Variants in DNAAF11 observed in about 807,000 individuals in gnomAD.
DNAAF11 encodes leucine rich repeat containing 6.
DNAAF11 carries 45 observed loss-of-function variants against 60.8 expected under a neutral mutation model. The observed-to-expected ratio is 0.74, with a 90% CI of 0.58 to 0.95. DNAAF11 has a LOEUF of 0.95. DNAAF11 is among the 40% of genes least tolerant of loss of function. DNAAF11 has a pLI of 0.00. For missense variants in DNAAF11, 546 were observed against 546.2 expected, an observed-to-expected ratio of 1.00 and a Z score of 0.00; for synonymous variants, 191 against 183.5, an observed-to-expected ratio of 1.04 and a Z score of -0.33.
chr8:132,633,018 A>T, intron 4 of DNAAF11, 55 bp from the exon 5 acceptor site: 1 of 1,204,242 alleles, frequency 8.3e-7, no homozygotes. Flanking sequence ...AGTGTGAATC[A>T]GCCCCAGGTT....
the DNAAF11 span, among the ~76,000 whole-genome samples, chr8:132,686,211 T>C: frequency 2.0e-5 from 3 of 152,104 alleles, no homozygotes; most frequent in African/African-American, 4.8e-5. Flanking sequence ...GAAACAGTTA[T>C]GTGAAGAACA....
chr8:132,675,757 G>T (rs1363390463), upstream of DNAAF11: 4 of 410,162 alleles, frequency 9.8e-6, no homozygotes, highest in East Asian at 1.1e-4. Flanking sequence ...CTTCCGACTT[G>T]CCACAGACTG....
At chr8:132,583,833 TA>T (rs1454097110) in intron 10 of DNAAF11, 54 bp from the exon 11 acceptor site, 2 of 1,114,378 alleles carry the variant, frequency 1.8e-6, no homozygotes, top group Non-Finnish European at 2.7e-6. Flanking sequence ...TGATGTACCT[TA>T]AAAAATATAC....
At chr8:132,687,573 G>A in the DNAAF11 span, 9 of 455,852 alleles carry the variant, frequency 2.0e-5, no homozygotes, top group South Asian at 3.1e-5. Context: ...CCACACCTTC[G>A]TTGAGTTCTC....
chr8:132,593,432 A>G (rs1172611817), intron 10 of DNAAF11, among the ~76,000 whole-genome samples: 1 of 148,852 alleles, frequency 6.7e-6, no homozygotes, highest in Non-Finnish European at 1.5e-5. Flanking sequence ...ATCTTAGAAC[A>G]CCCATAGAGA....
At chr8:132,680,111 A>G (rs912962471), upstream of DNAAF11, among the ~76,000 whole-genome samples, 2 of 152,204 alleles carry the variant, frequency 1.3e-5, no homozygotes, top group African/African-American at 2.4e-5. Context: ...CATGTGTACA[A>G]TGTGCTGTGA....
At chr8:132,632,150 A>G (rs1017186836) in intron 5 of DNAAF11, among the ~76,000 whole-genome samples, 9 of 152,128 alleles carry the variant, frequency 5.9e-5, no homozygotes, top group African/African-American at 2.2e-4. Flanking sequence ...AATATTTTAT[A>G]ATTATTATTT....
intron 10 of DNAAF11, among the ~76,000 whole-genome samples, chr8:132,598,443 G>A (rs1817244859): frequency 1.3e-5 from 2 of 152,240 alleles, no homozygotes; most frequent in Middle Eastern, 6.8e-3. Context: ...AAAGTGAGTT[G>A]TTTAAACTGT....
At chr8:132,585,424 G>A (rs183715378) in intron 10 of DNAAF11, among the ~76,000 whole-genome samples, 9 of 152,284 alleles carry the variant, frequency 5.9e-5, no homozygotes, top group East Asian at 1.9e-4. Context: ...GTGTATGTGC[G>A]TTGTGGGAAG....
At chr8:132,656,289 C>T (rs1823564886) in intron 3 of DNAAF11, among the ~76,000 whole-genome samples, 1 of 151,972 alleles carries the variant, frequency 6.6e-6, no homozygotes. Context: ...TTGTATATAC[C>T]CAAGTGTTAA....
chr8:132,606,318 T>A (rs1367528221), intron 10 of DNAAF11, among the ~76,000 whole-genome samples: 9 of 151,942 alleles, frequency 5.9e-5, no homozygotes, highest in African/African-American at 9.7e-5. Context: ...TACTTATATT[T>A]AAAAAAAATA....
Position 132,572,255 on chromosome 8 carries a change from A to G in DNAAF11, c.*51T>C, listed in dbSNP as rs369472078. ...TAATATGCATATGGTCTCTACACCA[A>G]CCAAAACTGGACCTGGTGGGTCTCA... On this transcript the variant is annotated 3_prime_UTR_variant, in exon 12 of 12. Coordinates refer to ENST00000620350, the MANE Select transcript of DNAAF11 (RefSeq NM_012472.6). 2.8e-5 allele frequency: 44 copies of G among 1,558,858 alleles called. No individual in the cohort carries two copies. In the African/African-American group the frequency reaches 4.5e-4, roughly 16 times the overall value.
At chr8:132,683,829 A>G in the DNAAF11 span, among the ~76,000 whole-genome samples, 1 of 95,266 alleles carries the variant, frequency 1.0e-5, no homozygotes, top group East Asian at 3.3e-4. Flanking sequence ...AGCTCAAGTG[A>G]CCCCTCCCTC....
Position 132,580,998 on chromosome 8 carries a change from A to G in DNAAF11, c.1226+2696T>C, listed in dbSNP as rs529582093. The stretch of plus-strand genomic sequence containing the variant: ...GAATAGAGACCAGAGGCAAACCCAT[A>G]CAGATGTGGACTCCTGGTCTACGAC... On this transcript the variant is annotated intron_variant, in intron 11 of 11. Transcript: ENST00000620350. 3.9e-5 allele frequency among the ~76,000 whole-genome samples: 6 copies of G among 152,348 alleles called. No individual in the cohort carries two copies. The South Asian group carries it at 1.2e-3, about 32-fold the overall frequency.
chr8:132,573,196 C>A (rs1814397764), intron 11 of DNAAF11, among the ~76,000 whole-genome samples: 1 of 152,166 alleles, frequency 6.6e-6, no homozygotes, highest in Admixed American at 6.5e-5. Context: ...TTCAATAAGT[C>A]TGGTGTTGGG....
chr8:132,630,514 C>T (rs1230772327), intron 5 of DNAAF11, among the ~76,000 whole-genome samples: 1 of 152,016 alleles, frequency 6.6e-6, no homozygotes, highest in Non-Finnish European at 1.5e-5. Context: ...ATAAACAAGA[C>T]AAAAATGTAC....
intron 3 of DNAAF11, among the ~76,000 whole-genome samples, chr8:132,655,198 A>G (rs1823422893): frequency 6.6e-6 from 1 of 152,058 alleles, no homozygotes; most frequent in Non-Finnish European, 1.5e-5. Flanking sequence ...ACCTTCCAAA[A>G]CTGAGTCAAG....
intron 3 of DNAAF11, among the ~76,000 whole-genome samples, chr8:132,647,881 A>G (rs1822565340): frequency 6.6e-6 from 1 of 152,164 alleles, no homozygotes. Context: ...CCTAAAAACC[A>G]AAAAAAGTCC....
chr8:132,623,246 C>A (rs1178321413), intron 6 of DNAAF11, among the ~76,000 whole-genome samples: 1 of 152,144 alleles, frequency 6.6e-6, no homozygotes, highest in Non-Finnish European at 1.5e-5. Context: ...GTGCTTCATT[C>A]ATGCTATAAA....
Sources: gnomAD v4.1 joint callset for allele counts (sites outside exome capture counted in the v4.1 genomes callset) on GRCh38, gnomAD v4.1.1 for gene constraint, MANE v1.5 for transcripts, NCBI Gene and HGNC (gene_info 2026-07-23, HGNC 2026-07-21) for gene names.